MACROD1: variants seen among roughly 807,000 people sequenced by gnomAD.
The protein encoded by MACROD1 is ADP-ribose glycohydrolase MACROD1.
In MACROD1, 31 loss-of-function variants were observed where a neutral mutation model predicts 41.4. The ratio of observed to expected loss-of-function variants is 0.75; its 90% confidence interval spans 0.56 to 1.01. The LOEUF is 1.01. Among genes scored for constraint, MACROD1 ranks in the 50% least tolerant of loss-of-function variants. The probability of loss-of-function intolerance (pLI) is 0.00; values close to 1 mark genes in which losing one functional copy is unlikely to be tolerated. For synonymous variants in MACROD1, 252 were observed against 203.4 expected (o/e 1.24, Z -2.03); for missense variants, 473 against 460.0 (o/e 1.03, Z -0.26).
rs1299444177 is a variant in MACROD1, at chr11:64,090,440, G to C, written c.517+60799C>G. Among the ~76,000 whole-genome samples the C allele has an allele frequency of 6.6e-6, 1 of 152,204 alleles. No individual in the cohort carries two copies. The highest frequency in any genetic ancestry group is 1.9e-4 in the East Asian group (1 of 5,202). ...CTCACCTCCAGCCCGGGCAGCAGTG[G>C]GTCGATAATAATTTACGAGGCAGCC... On this transcript the variant is annotated intron_variant, in intron 3 of 10. Transcript: ENST00000255681. The surrounding 1 kb of genome is among the most constrained non-coding windows in gnomAD (Gnocchi z 4.7).
intron 3 of MACROD1, among the ~76,000 whole-genome samples, chr11:64,084,786 C>G (rs902172226): frequency 6.6e-6 from 1 of 152,208 alleles, no homozygotes; most frequent in African/African-American, 2.4e-5. Flanking sequence ...CCCGCCAGCC[C>G]AGACTGGGCA....
intron 4 of MACROD1, among the ~76,000 whole-genome samples, chr11:64,014,113 C>T (rs933425775): frequency 2.6e-5 from 4 of 152,304 alleles, no homozygotes; most frequent in Admixed American, 6.5e-5. Flanking sequence ...GCTCGGGGCC[C>T]GGCACACAGG....
At chr11:64,117,935 C>G in intron 3 of MACROD1, 2 of 1,613,966 alleles carry the variant, frequency 1.2e-6, no homozygotes, top group Non-Finnish European at 1.7e-6. Flanking sequence ...TGGCGGGCAT[C>G]ATCGGCGGGG....
chr11:64,065,436 A>C (rs1221795317), intron 3 of MACROD1, among the ~76,000 whole-genome samples: 3 of 152,124 alleles, frequency 2.0e-5, no homozygotes, highest in Non-Finnish European at 4.4e-5. Context: ...CAGAACATTT[A>C]CTGAGGCTCC....
chr11:64,008,125 G>A (rs186164019), intron 4 of MACROD1, among the ~76,000 whole-genome samples: 1 of 152,338 alleles, frequency 6.6e-6, no homozygotes, highest in African/African-American at 2.4e-5. Flanking sequence ...GAATCCTCCC[G>A]GGCCTGCGGG....
intron 8 of MACROD1, 40 bp from the exon 9 acceptor site, chr11:63,999,076 C>T (rs775265386): frequency 2.6e-6 from 4 of 1,552,556 alleles, no homozygotes; most frequent in Non-Finnish European, 3.5e-6. Context: ...AGCTGCCACG[C>T]CTGGCCCCAG....
intron 3 of MACROD1, among the ~76,000 whole-genome samples, chr11:64,029,924 G>A (rs957732429): frequency 1.3e-5 from 2 of 152,190 alleles, no homozygotes; most frequent in Non-Finnish European, 2.9e-5. Flanking sequence ...GGGGGCAGGG[G>A]AGGTGATGTC....
chr11:64,159,011 C>T (rs1018484234), intron 1 of MACROD1, among the ~76,000 whole-genome samples: 5 of 151,718 alleles, frequency 3.3e-5, no homozygotes, highest in Admixed American at 6.6e-5. Flanking sequence ...CATTGCAAAA[C>T]CCCGTCTCTG....
intron 3 of MACROD1, among the ~76,000 whole-genome samples, chr11:64,077,590 C>G (rs1300762349): frequency 6.6e-6 from 1 of 152,152 alleles, no homozygotes; most frequent in Non-Finnish European, 1.5e-5. Context: ...TGCACACATT[C>G]CACCTAGACA....
At chr11:64,153,277 C>T (rs1006056222) in intron 1 of MACROD1, among the ~76,000 whole-genome samples, 1 of 152,222 alleles carries the variant, frequency 6.6e-6, no homozygotes, top group Non-Finnish European at 1.5e-5. Context: ...CACACCCAGG[C>T]GCTCAGCCCA....
intron 3 of MACROD1, among the ~76,000 whole-genome samples, chr11:64,061,704 T>C (rs1326946079): frequency 7.2e-6 from 1 of 138,240 alleles, no homozygotes; most frequent in African/African-American, 3.1e-5. Context: ...AAATGAGACT[T>C]TTTTTTTTTT....
chr11:64,165,821 C>G lies in MACROD1; in HGVS notation c.174G>C (p.Ser58=). The change falls in exon 1 of 11, where the codon TCG becomes TCC. Residue 58 remains serine (S), a synonymous_variant. Transcript: ENST00000255681. ...CCGCCCCCCACGCCCCAACTCCCGC[C>G]GAGGTCCGCGCACGGCGGCCGAACA... is the stretch of plus-strand genomic sequence containing the variant. The part of the protein sequence containing the change: ...LGVFGRRART[S]AGVGAWGAAA... The G allele has an allele frequency of 6.7e-7, 1 of 1,482,638 alleles. No homozygotes were observed. The highest frequency in any genetic ancestry group is 8.9e-7 in the Non-Finnish European group (1 of 1,118,156). 91.8% of individuals were successfully genotyped at this position (1,482,638 alleles called of 1,614,324 possible). A position where few individuals can be genotyped will look rare whatever the true frequency, so the allele number is the denominator to read the frequency against.
At chr11:64,108,764 A>C (rs1253956894) in intron 3 of MACROD1, among the ~76,000 whole-genome samples, 4 of 152,192 alleles carry the variant, frequency 2.6e-5, no homozygotes, top group Non-Finnish European at 4.4e-5. Flanking sequence ...AGACACATGA[A>C]TTATTGCTGA....
At chr11:64,151,034 C>T (rs1290356571) in intron 3 of MACROD1, among the ~76,000 whole-genome samples, 2 of 152,202 alleles carry the variant, frequency 1.3e-5, no homozygotes, top group Non-Finnish European at 2.9e-5. Flanking sequence ...TGGAGCAAGG[C>T]GCCCCCGACA....
chr11:64,000,701 G>C (rs1444154106), intron 4 of MACROD1, among the ~76,000 whole-genome samples: 6 of 43,202 alleles, frequency 1.4e-4, no homozygotes, highest in African/African-American at 2.5e-4. Flanking sequence ...CCGGGGTGAC[G>C]GGGAAGCTTC....
chr11:64,069,134 C>T (rs1056212077), intron 3 of MACROD1, among the ~76,000 whole-genome samples: 3 of 152,204 alleles, frequency 2.0e-5, no homozygotes, highest in African/African-American at 7.2e-5. Context: ...GTGTCCAGCA[C>T]TTCTCCCAAC....
chr11:64,031,688 G>A (rs1186296447), intron 3 of MACROD1, among the ~76,000 whole-genome samples: 3 of 152,096 alleles, frequency 2.0e-5, no homozygotes, highest in African/African-American at 7.2e-5. Flanking sequence ...ATGTTGGCCA[G>A]GCTGGTCACG....
chr11:64,061,305 C>G (rs757350115), intron 3 of MACROD1, among the ~76,000 whole-genome samples: 47 of 152,188 alleles, frequency 3.1e-4, no homozygotes, highest in Non-Finnish European at 5.7e-4. Flanking sequence ...ACTTTGCAGC[C>G]GTCTGCCCTT....
chr11:64,162,729 G>A (rs1945774786), intron 1 of MACROD1, among the ~76,000 whole-genome samples: 1 of 150,472 alleles, frequency 6.6e-6, no homozygotes, highest in Admixed American at 6.6e-5. Context: ...GCAGGAGAAT[G>A]GCATGAACCC....
Sources: gnomAD v4.1 joint callset for allele counts (sites outside exome capture counted in the v4.1 genomes callset) on GRCh38, gnomAD v4.1.1 for gene constraint, Gnocchi (gnomAD v3.1) non-coding constraint, MANE v1.5 for transcripts, NCBI Gene and HGNC (gene_info 2026-07-23, HGNC 2026-07-21) for gene names.